SYT9: variants seen among roughly 807,000 people sequenced by gnomAD.
SYT9 encodes the protein synaptotagmin-9.
Under a neutral mutation model 48.4 loss-of-function variants are expected in SYT9, and 22 were observed. The observed-to-expected ratio is 0.45, with a 90% CI of 0.32 to 0.65. SYT9 has a LOEUF of 0.65. Ranked by LOEUF, SYT9 falls within the 30% of genes least tolerant of loss-of-function variation. The probability of loss-of-function intolerance (pLI) is 0.03; values close to 1 mark genes in which losing one functional copy is unlikely to be tolerated. For missense variants in SYT9, 577 were observed against 622.0 expected (o/e 0.93, Z 0.77); for synonymous variants, 265 against 245.0 (o/e 1.08, Z -0.76).
chr11:7,334,101 G>A (rs922283078), intron 3 of SYT9, among the ~76,000 whole-genome samples: 2 of 152,132 alleles, frequency 1.3e-5, no homozygotes, highest in African/African-American at 4.8e-5. Flanking sequence ...AGAGTCCCAC[G>A]CAAAAGGAAC....
upstream of SYT9, among the ~76,000 whole-genome samples, chr11:7,251,190 G>C (rs369138135): frequency 1.7e-4 from 26 of 152,112 alleles, no homozygotes; most frequent in African/African-American, 6.0e-4. Context: ...GAAAAGATGG[G>C]TGGATGAGAG....
At chr11:7,307,160 A>T (rs1447469295) in intron 2 of SYT9, among the ~76,000 whole-genome samples, 2 of 152,222 alleles carry the variant, frequency 1.3e-5, no homozygotes, top group Non-Finnish European at 2.9e-5. Context: ...AGTTACAGAA[A>T]TATGCTGACA....
At chr11:7,436,750 A>C (rs1253999690) in intron 6 of SYT9, among the ~76,000 whole-genome samples, 2 of 152,204 alleles carry the variant, frequency 1.3e-5, no homozygotes, top group Admixed American at 1.3e-4. Flanking sequence ...AGGAGAGCAA[A>C]ATCATTTAAT....
chr11:7,354,154 AC>A (rs1849972897), intron 3 of SYT9, among the ~76,000 whole-genome samples: 1 of 152,174 alleles, frequency 6.6e-6, no homozygotes. Context: ...TTTTAAAATA[AC>A]AAACTTCAGA....
intron 3 of SYT9, among the ~76,000 whole-genome samples, chr11:7,389,678 C>G (rs1316681865): frequency 5.9e-5 from 9 of 151,922 alleles, no homozygotes; most frequent in African/African-American, 1.7e-4. Flanking sequence ...TAAAAAGAGA[C>G]TAAAGCGAGA....
intron 3 of SYT9, among the ~76,000 whole-genome samples, chr11:7,375,480 G>T (rs1206608074): frequency 6.6e-6 from 1 of 152,134 alleles, no homozygotes; most frequent in Non-Finnish European, 1.5e-5. Context: ...GATGGGGATG[G>T]CATTGAATCT....
chr11:7,452,693 G>A (rs1848076716), intron 6 of SYT9, among the ~76,000 whole-genome samples: 1 of 152,054 alleles, frequency 6.6e-6, no homozygotes, highest in African/African-American at 2.4e-5. Flanking sequence ...GATAGCAATG[G>A]AGCCAGTTGC....
intron 6 of SYT9, among the ~76,000 whole-genome samples, chr11:7,464,087 A>G (rs1171462940): frequency 6.6e-6 from 1 of 152,204 alleles, no homozygotes; most frequent in East Asian, 1.9e-4. Context: ...GGAGAGCTAA[A>G]CCCAAAGCAT....
chr11:7,345,249 CCTGGGTTTTCACCTGT>C (rs1267668534), intron 3 of SYT9, among the ~76,000 whole-genome samples: 1 of 152,186 alleles, frequency 6.6e-6, no homozygotes, highest in African/African-American at 2.4e-5. Context: ...CTAGGCTCTG[CCTGGGTTTTCACCTGT>C]CTGTACTGTG....
intron 3 of SYT9, among the ~76,000 whole-genome samples, chr11:7,384,979 A>G (rs200063758): frequency 6.6e-6 from 1 of 152,016 alleles, no homozygotes; most frequent in Non-Finnish European, 1.5e-5. Flanking sequence ...CCAGGTCCTT[A>G]TTCAAAAGTC....
At chr11:7,332,540 T>C (rs995840903) in intron 3 of SYT9, among the ~76,000 whole-genome samples, 9 of 152,166 alleles carry the variant, frequency 5.9e-5, no homozygotes, top group African/African-American at 2.2e-4. Context: ...CCATGACCTC[T>C]GAGATATAGG....
At chr11:7,400,900 G>A (rs2134074292) in intron 3 of SYT9, among the ~76,000 whole-genome samples, 1 of 152,224 alleles carries the variant, frequency 6.6e-6, no homozygotes, top group South Asian at 2.1e-4. Context: ...GAGACTGAAA[G>A]CCTGCTGCTA....
At chr11:7,290,544 T>C (rs1848681168) in intron 1 of SYT9, among the ~76,000 whole-genome samples, 1 of 152,222 alleles carries the variant, frequency 6.6e-6, no homozygotes. Flanking sequence ...GTAATCTTAA[T>C]GCCTATTGTA....
At chr11:7,301,998 A>T (rs1848929653) in intron 1 of SYT9, among the ~76,000 whole-genome samples, 1 of 152,168 alleles carries the variant, frequency 6.6e-6, no homozygotes, top group South Asian at 2.1e-4. Flanking sequence ...TCCATGATCC[A>T]TGTAGCAGAT....
At chr11:7,419,527 C>G (rs1259262823) in intron 5 of SYT9, among the ~76,000 whole-genome samples, 2 of 151,992 alleles carry the variant, frequency 1.3e-5, no homozygotes, top group Non-Finnish European at 2.9e-5. Flanking sequence ...TCCAGTTATA[C>G]CAGGGACTTT....
At chr11:7,374,332 T>TG (rs1850416135) in intron 3 of SYT9, among the ~76,000 whole-genome samples, 3 of 152,156 alleles carry the variant, frequency 2.0e-5, no homozygotes, top group South Asian at 4.1e-4. Context: ...TATGGGCATT[T>TG]GGTTGTTTCC....
At chr11:7,273,088 A>C (rs1848325171) in intron 1 of SYT9, among the ~76,000 whole-genome samples, 1 of 152,196 alleles carries the variant, frequency 6.6e-6, no homozygotes, top group African/African-American at 2.4e-5. Flanking sequence ...GAAATGCAGT[A>C]GGAGAGTGGT....
intron 1 of SYT9, among the ~76,000 whole-genome samples, chr11:7,261,047 G>A (rs1285006192): frequency 2.6e-5 from 4 of 152,186 alleles, no homozygotes; most frequent in Non-Finnish European, 5.9e-5. Context: ...ACCAAGCCAC[G>A]CTGTAGAGAT....
At chr11:7,414,582 C>G (rs897389250) in intron 3 of SYT9, among the ~76,000 whole-genome samples, 3 of 152,198 alleles carry the variant, frequency 2.0e-5, no homozygotes, top group African/African-American at 7.2e-5. Context: ...CCATATCTCC[C>G]AAAAGGGGAA....
Sources: gnomAD v4.1 joint callset for allele counts (sites outside exome capture counted in the v4.1 genomes callset) on GRCh38, gnomAD v4.1.1 for gene constraint, MANE v1.5 for transcripts, NCBI Gene and HGNC (gene_info 2026-07-23, HGNC 2026-07-21) for gene names.